Variants in HECW1 observed in about 807,000 individuals in gnomAD.
HECW1 encodes HECT, C2 and WW domain containing E3 ubiquitin protein ligase 1.
HECW1 carries 61 observed loss-of-function variants against 182.3 expected under a neutral mutation model. The ratio of observed to expected loss-of-function variants is 0.33; its 90% CI spans 0.27 to 0.41. The LOEUF is 0.41. Among genes scored for constraint, HECW1 ranks in the 10% least tolerant of loss-of-function variants. The probability of loss-of-function intolerance (pLI) is 1.00; values close to 1 mark genes in which losing one functional copy is unlikely to be tolerated. For synonymous variants in HECW1, 859 were observed against 832.6 expected (o/e 1.03, Z -0.55); for missense variants, 1,739 against 2,108.9 (o/e 0.82, Z 3.44).
intron 2 of HECW1, among the ~76,000 whole-genome samples, chr7:43,176,844 C>G (rs1021699511): frequency 4.6e-5 from 7 of 152,122 alleles, no homozygotes; most frequent in African/African-American, 1.7e-4. Context: ...TCTCTAGGGA[C>G]TGGGGGCCCC....
At chr7:43,216,956 C>T (rs943903753) in intron 2 of HECW1, among the ~76,000 whole-genome samples, 1 of 152,122 alleles carries the variant, frequency 6.6e-6, no homozygotes, top group African/African-American at 2.4e-5. Flanking sequence ...CTCCCAGCTG[C>T]AGTGTAATCT....
At chr7:43,455,565 A>G (rs1281911076) in intron 12 of HECW1, among the ~76,000 whole-genome samples, 2 of 152,224 alleles carry the variant, frequency 1.3e-5, no homozygotes, top group African/African-American at 4.8e-5. Flanking sequence ...ACTGGAGGAT[A>G]CCCCAATCTT....
chr7:43,427,047 A>G (rs534130686), intron 8 of HECW1, among the ~76,000 whole-genome samples: 1 of 152,222 alleles, frequency 6.6e-6, no homozygotes, highest in African/African-American at 2.4e-5. Context: ...AAAGGCCCTG[A>G]AAGTTTATGG....
intron 3 of HECW1, among the ~76,000 whole-genome samples, chr7:43,308,114 CATATA>C (rs1339279327): frequency 3.2e-5 from 3 of 93,896 alleles, no homozygotes; most frequent in South Asian, 2.8e-4. Context: ...TATAATATAA[CATATA>C]ATATATTTAT....
At chr7:43,173,441 T>C (rs1482203058) in intron 2 of HECW1, among the ~76,000 whole-genome samples, 1 of 152,204 alleles carries the variant, frequency 6.6e-6, no homozygotes, top group Non-Finnish European at 1.5e-5. Context: ...AATAAAGTTC[T>C]CTAGGGCAGC....
chr7:43,427,913 T>C (rs2076412158), intron 8 of HECW1, among the ~76,000 whole-genome samples: 1 of 152,178 alleles, frequency 6.6e-6, no homozygotes, highest in South Asian at 2.1e-4. Flanking sequence ...GTGTTTTTGT[T>C]TTTAAGGGCT....
intron 3 of HECW1, among the ~76,000 whole-genome samples, chr7:43,311,052 C>G (rs532285515): frequency 4.6e-5 from 7 of 152,250 alleles, no homozygotes; most frequent in African/African-American, 1.7e-4. Context: ...TTTAAGTGCT[C>G]AAAGTTGTAA....
In HECW1 at chr7:43,368,658, T is replaced by G. The variant is rs76627093; in HGVS notation, c.555+7678T>G. Reference sequence around the variant, plus strand: ...GTTTAGATTCTATCCTAGCCCAACATTAAGGAATCTGTTCAGTTTGAGGGG... The same window carrying G: ...GTTTAGATTCTATCCTAGCCCAACAGTAAGGAATCTGTTCAGTTTGAGGGG... On this transcript the variant is annotated intron_variant, in intron 6 of 29. Transcript: ENST00000395891. Among the ~76,000 whole-genome samples, 1,100 of 152,272 alleles carry G rather than the reference T, an allele frequency of 7.2e-3. 11 individuals carry two copies. Among genetic ancestry groups the G allele is most frequent in the African/African-American group, 0.025 (1,045 of 41,564 alleles).
At chr7:43,318,391 GCACA>G (rs1809609912) in intron 4 of HECW1, among the ~76,000 whole-genome samples, 1 of 152,218 alleles carries the variant, frequency 6.6e-6, no homozygotes, top group African/African-American at 2.4e-5. Flanking sequence ...AGGGCTGTGA[GCACA>G]CACTGTGAAT....
intron 6 of HECW1, among the ~76,000 whole-genome samples, chr7:43,373,056 A>T (rs1202929942): frequency 6.6e-6 from 1 of 152,148 alleles, no homozygotes; most frequent in Admixed American, 6.5e-5. Context: ...GGAATTTCTG[A>T]TGATTATAAT....
intron 5 of HECW1, among the ~76,000 whole-genome samples, chr7:43,356,240 A>G (rs1815117347): frequency 6.6e-6 from 1 of 152,132 alleles, no homozygotes; most frequent in Non-Finnish European, 1.5e-5. Context: ...AGAAACCATA[A>G]AGGGCAAGAG....
intron 2 of HECW1, among the ~76,000 whole-genome samples, chr7:43,153,580 A>T (rs1272367960): frequency 2.0e-5 from 3 of 152,194 alleles, no homozygotes. Flanking sequence ...TGTGCAGCTG[A>T]TCAAGGGACA....
At chr7:43,258,142 C>T (rs1464646287) in intron 3 of HECW1, among the ~76,000 whole-genome samples, 1 of 152,048 alleles carries the variant, frequency 6.6e-6, no homozygotes, top group Non-Finnish European at 1.5e-5. Flanking sequence ...GAGTTTGAGA[C>T]CAGCCTGGCC....
intron 3 of HECW1, chr7:43,311,479 C>T (rs761866676): frequency 3.4e-5 from 21 of 616,444 alleles, no homozygotes; most frequent in Non-Finnish European, 5.8e-5. Flanking sequence ...CCCAGTCCTT[C>T]TGGTATCAAG....
chr7:43,265,221 G>C (rs1241341710), intron 3 of HECW1, among the ~76,000 whole-genome samples: 1 of 152,074 alleles, frequency 6.6e-6, no homozygotes, highest in Non-Finnish European at 1.5e-5. Flanking sequence ...CATCTCTGAG[G>C]TTGCCAGTTT....
At chr7:43,279,195 G>T (rs1803574496) in intron 3 of HECW1, among the ~76,000 whole-genome samples, 1 of 152,098 alleles carries the variant, frequency 6.6e-6, no homozygotes, top group Non-Finnish European at 1.5e-5. Context: ...TTCCAGCTGT[G>T]GGGACTCTGT....
At chr7:43,435,891 G>A (rs113216766) in intron 8 of HECW1, among the ~76,000 whole-genome samples, 2,203 of 152,294 alleles carry the variant, frequency 0.014, 44 homozygotes, top group African/African-American at 0.05. Flanking sequence ...TAGGCCGGGC[G>A]TGGTGGCTCA....
At chr7:43,115,650 C>T (rs951461167) in intron 2 of HECW1, among the ~76,000 whole-genome samples, 5 of 152,150 alleles carry the variant, frequency 3.3e-5, no homozygotes, top group Non-Finnish European at 5.9e-5. Context: ...TGTTTTCATG[C>T]GCTATGGTAA....
intron 24 of HECW1, among the ~76,000 whole-genome samples, chr7:43,513,246 CA>C (rs887851982): frequency 6.6e-6 from 1 of 152,212 alleles, no homozygotes; most frequent in Non-Finnish European, 1.5e-5. Context: ...CTTGCAAAGT[CA>C]GTGATAAATG....
Sources: gnomAD v4.1 joint callset for allele counts (sites outside exome capture counted in the v4.1 genomes callset) on GRCh38, gnomAD v4.1.1 for gene constraint, MANE v1.5 for transcripts, NCBI Gene and HGNC (gene_info 2026-07-23, HGNC 2026-07-21) for gene names.